The following DIS3L2 variants were observed in gnomAD, a reference collection of about 807,000 sequenced individuals.
The protein encoded by DIS3L2 is DIS3 like 3'-5' exoribonuclease 2, also known as DIS3-like exonuclease 2.
A neutral mutation model predicts 97.5 loss-of-function variants in DIS3L2; 34 were observed. The observed-to-expected ratio is 0.35, with a 90% CI of 0.27 to 0.46. The LOEUF (loss-of-function observed/expected upper bound fraction) is 0.46, where lower values mean the gene tolerates loss of function less well. Among genes scored for constraint, DIS3L2 ranks in the 20% least tolerant of loss-of-function variants. DIS3L2 has a pLI of 1.00. For missense variants in DIS3L2, 1,038 were observed against 1,146.0 expected (o/e 0.91, Z 1.36); for synonymous variants, 435 against 445.2 (o/e 0.98, Z 0.29).
chr2:232,333,227 GCCTCCTCCTCCT>G (rs1170491432), intron 16 of DIS3L2, among the ~76,000 whole-genome samples: 8 of 24,230 alleles, frequency 3.3e-4, no homozygotes, highest in African/African-American at 8.9e-4. Context: ...CTCCGCTGTC[GCCTCCTCCTCCT>G]CCTCCTCCTC....
intron 14 of DIS3L2, among the ~76,000 whole-genome samples, chr2:232,326,843 G>A (rs1695591337): frequency 6.6e-6 from 1 of 152,106 alleles, no homozygotes; most frequent in South Asian, 2.1e-4. Flanking sequence ...GCCTCACCAG[G>A]CTTCACGTTC....
intron 5 of DIS3L2, among the ~76,000 whole-genome samples, chr2:232,040,049 C>T (rs762261117): frequency 2.6e-5 from 4 of 152,024 alleles, no homozygotes; most frequent in Non-Finnish European, 1.5e-5. Context: ...AATTATGGTA[C>T]GGTTTGCAGG....
intron 6 of DIS3L2, among the ~76,000 whole-genome samples, chr2:232,099,049 G>A (rs1227901044): frequency 6.6e-6 from 1 of 152,058 alleles, no homozygotes; most frequent in Admixed American, 6.6e-5. Flanking sequence ...ACTTTATGAT[G>A]CGCATTCTTC....
chr2:232,316,172 G>T (rs1695269977), intron 14 of DIS3L2, among the ~76,000 whole-genome samples: 1 of 152,198 alleles, frequency 6.6e-6, no homozygotes, highest in African/African-American at 2.4e-5. Flanking sequence ...CTCCTGGGCA[G>T]CGGCTCATCA....
At chr2:232,182,233 T>C (rs1223013227) in intron 9 of DIS3L2, among the ~76,000 whole-genome samples, 1 of 152,216 alleles carries the variant, frequency 6.6e-6, no homozygotes, top group Admixed American at 6.6e-5. Context: ...TACATACTTG[T>C]GAATTTCTCT....
chr2:232,144,607 T>TC (rs934016460), intron 8 of DIS3L2, among the ~76,000 whole-genome samples: 8 of 152,142 alleles, frequency 5.3e-5, no homozygotes, highest in African/African-American at 1.7e-4. Flanking sequence ...GGAATACTTA[T>TC]CAGAAGTAAG....
intron 5 of DIS3L2, among the ~76,000 whole-genome samples, chr2:232,032,906 GT>G (rs2106243150): frequency 6.6e-6 from 1 of 152,292 alleles, no homozygotes; most frequent in Admixed American, 6.5e-5. Flanking sequence ...TTGTAGTATA[GT>G]TTGAAGTCAG....
intron 1 of DIS3L2, among the ~76,000 whole-genome samples, chr2:232,003,407 A>G (rs1249103979): frequency 6.6e-6 from 1 of 152,206 alleles, no homozygotes; most frequent in Non-Finnish European, 1.5e-5. Flanking sequence ...TGCTATTTTG[A>G]AAATGTCTTT....
chr2:231,985,512 A>G (rs1034868632), intron 1 of DIS3L2, among the ~76,000 whole-genome samples: 3 of 152,200 alleles, frequency 2.0e-5, no homozygotes, highest in African/African-American at 7.2e-5. Context: ...GGATTTGGCT[A>G]TTATGAATAA....
At chr2:232,202,568 G>A (rs1475523523) in intron 9 of DIS3L2, among the ~76,000 whole-genome samples, 1 of 152,218 alleles carries the variant, frequency 6.6e-6, no homozygotes, top group Non-Finnish European at 1.5e-5. Context: ...TTCACTTGGT[G>A]TAGAATTCTG....
intron 6 of DIS3L2, among the ~76,000 whole-genome samples, chr2:232,097,843 C>G (rs1697071102): frequency 6.6e-6 from 1 of 152,176 alleles, no homozygotes; most frequent in Admixed American, 6.5e-5. Flanking sequence ...GCCACCACAG[C>G]TGAGAATATG....
intron 6 of DIS3L2, among the ~76,000 whole-genome samples, chr2:232,104,934 A>T (rs1379568399): frequency 6.6e-6 from 1 of 151,814 alleles, no homozygotes; most frequent in East Asian, 1.9e-4. Context: ...CCTCCCACCT[A>T]AGCCTCCTGG....
At chr2:231,986,932 G>A (rs1693429401) in intron 1 of DIS3L2, among the ~76,000 whole-genome samples, 1 of 152,202 alleles carries the variant, frequency 6.6e-6, no homozygotes, top group Non-Finnish European at 1.5e-5. Context: ...TCCATTTTGT[G>A]ATGACTTCAG....
intron 9 of DIS3L2, among the ~76,000 whole-genome samples, chr2:232,200,227 G>A (rs1447901707): frequency 2.6e-5 from 4 of 152,180 alleles, no homozygotes; most frequent in African/African-American, 9.7e-5. Context: ...TTTTTAAACA[G>A]CATTTAGGTT....
At chr2:231,980,430 G>A (rs1214866137) in intron 1 of DIS3L2, among the ~76,000 whole-genome samples, 1 of 152,094 alleles carries the variant, frequency 6.6e-6, no homozygotes, top group African/African-American at 2.4e-5. Context: ...TGGGCGCAGT[G>A]GCTCATGCCT....
chr2:231,975,052 C>G (rs1254032862), intron 1 of DIS3L2, among the ~76,000 whole-genome samples: 1 of 152,096 alleles, frequency 6.6e-6, no homozygotes, highest in African/African-American at 2.4e-5. Context: ...TAGAGTTGAA[C>G]TGGTTTATCT....
chr2:232,221,778 G>A (rs900766397), intron 10 of DIS3L2, among the ~76,000 whole-genome samples: 1 of 152,052 alleles, frequency 6.6e-6, no homozygotes, highest in African/African-American at 2.4e-5. Flanking sequence ...TCCAGCCGGG[G>A]TGACAAGAGT....
intron 1 of DIS3L2, among the ~76,000 whole-genome samples, chr2:231,984,989 C>T (rs1693370703): frequency 1.3e-5 from 2 of 152,158 alleles, no homozygotes; most frequent in Admixed American, 1.3e-4. Context: ...TAGAGAAATC[C>T]CGTGTACCCT....
At chr2:232,116,502 T>G (rs1697716834) in intron 6 of DIS3L2, among the ~76,000 whole-genome samples, 1 of 152,346 alleles carries the variant, frequency 6.6e-6, no homozygotes, top group East Asian at 1.9e-4. Flanking sequence ...TGGATCACTC[T>G]AAATAATTCC....
Sources: allele counts gnomAD v4.1 joint callset (sites outside exome capture counted in the v4.1 genomes callset), GRCh38; gene constraint gnomAD v4.1.1; transcripts MANE v1.5; gene names NCBI Gene and HGNC (gene_info 2026-07-23, HGNC 2026-07-21).